Variants in TRAF2 observed in about 807,000 individuals in gnomAD.
TRAF2 encodes TNF receptor associated factor 2.
TRAF2 carries 6 observed loss-of-function variants against 55.6 expected under a neutral mutation model. The ratio of observed to expected loss-of-function variants is 0.11; its 90% confidence interval spans 0.06 to 0.21. TRAF2 has a LOEUF of 0.21. Among genes scored for constraint, TRAF2 ranks in the 10% least tolerant of loss-of-function variants. TRAF2 has a pLI of 1.00. For missense variants in TRAF2, 561 were observed against 684.5 expected (o/e 0.82, Z 2.01); for synonymous variants, 329 against 276.3 (o/e 1.19, Z -1.89).
At chr9:136,922,714 C>T (rs1486260157) in intron 9 of TRAF2, among the ~76,000 whole-genome samples, 1 of 97,368 alleles carries the variant, frequency 1.0e-5, no homozygotes, top group Non-Finnish European at 2.0e-5. Context: ...TGGGCCTGGG[C>T]ACGTGGTGGA....
chr9:136,883,061 G>T (rs780417123), upstream of TRAF2, among the ~76,000 whole-genome samples: 1 of 152,122 alleles, frequency 6.6e-6, no homozygotes, highest in Non-Finnish European at 1.5e-5. Context: ...GTAGAGACGG[G>T]GTTTCACCAC....
At chr9:136,903,903 C>T (rs866822664) in intron 4 of TRAF2, among the ~76,000 whole-genome samples, 54 of 152,268 alleles carry the variant, frequency 3.5e-4, no homozygotes, top group African/African-American at 1.1e-3. Flanking sequence ...AGGATGGTCT[C>T]GATCTCCTGA....
intron 1 of TRAF2, among the ~76,000 whole-genome samples, chr9:136,897,762 C>G (rs574460627): frequency 6.3e-5 from 9 of 142,776 alleles, no homozygotes; most frequent in Non-Finnish European, 1.1e-4. Flanking sequence ...CCCGTGGTAG[C>G]TAAAGGGAGT....
chr9:136,924,068 T>C, intron 10 of TRAF2, 68 bp downstream of exon 10: 1 of 1,574,330 alleles, frequency 6.4e-7, no homozygotes, highest in Non-Finnish European at 8.6e-7. Flanking sequence ...GCAGCTTCTG[T>C]GGTGCAGGGT....
intron 4 of TRAF2, 104 bp from the exon 5 acceptor site, chr9:136,907,966 C>T (rs953227806): frequency 3.5e-5 from 50 of 1,439,672 alleles, no homozygotes; most frequent in African/African-American, 4.2e-5. Flanking sequence ...GACCAGCATG[C>T]GGACACCAAG....
intron 9 of TRAF2, among the ~76,000 whole-genome samples, chr9:136,922,901 G>A (rs4880073): frequency 0.44 from 55,921 of 126,138 alleles, 14,790 homozygotes; most frequent in African/African-American, 0.62. Flanking sequence ...CTAGGACAGG[G>A]AGGATGGGCT....
chr9:136,898,099 C>T (rs570323297), intron 1 of TRAF2, among the ~76,000 whole-genome samples: 17 of 151,740 alleles, frequency 1.1e-4, no homozygotes, highest in Admixed American at 7.2e-4. Flanking sequence ...GCTACATTCC[C>T]GCTCTCGGGG....
chr9:136,886,211 A>G (rs1215248091), upstream of TRAF2: 6 of 171,128 alleles, frequency 3.5e-5, no homozygotes, highest in Non-Finnish European at 7.0e-5. Flanking sequence ...CCCACAGCGC[A>G]GCACCTCACC....
At chr9:136,889,220 T>G (rs955604069) in intron 1 of TRAF2, among the ~76,000 whole-genome samples, 9 of 120,636 alleles carry the variant, frequency 7.5e-5, no homozygotes, top group Non-Finnish European at 1.1e-4. Context: ...GTTTTTTCTG[T>G]TTTTTTTTTT....
chr9:136,889,275 C>T (rs1436043461), intron 1 of TRAF2, among the ~76,000 whole-genome samples: 2 of 149,592 alleles, frequency 1.3e-5, no homozygotes, highest in African/African-American at 4.9e-5. Flanking sequence ...TGAGCCACCA[C>T]GCCTGGCCTT....
intron 1 of TRAF2, among the ~76,000 whole-genome samples, chr9:136,898,050 G>A (rs1412543136): frequency 6.8e-6 from 1 of 146,788 alleles, no homozygotes; most frequent in South Asian, 2.2e-4. Flanking sequence ...AGGGGAACCC[G>A]TGGTAGCTAA....
rs755840215 is a variant in TRAF2, at chr9:136,899,672, G to A, written c.267G>A (p.Ser89=). 14 of 1,611,298 alleles carry A rather than the reference G, an allele frequency of 8.7e-6. No homozygotes were observed. The highest frequency in any genetic ancestry group is 6.7e-5 in the East Asian group (3 of 44,802). Residue 89 remains serine, a splice_region_variant and synonymous_variant, in exon 3 of 11, where the codon TCG becomes TCA. Transcript: ENST00000247668. ...EEGISILESS[S]AFPDNAARRE... is the part of the protein sequence containing the mutation. ...GCATTTCTATTTTAGAAAGCAGTTC[G>A]GTAAGTAAAATGTCTTGAAGCTAAA...
chr9:136,902,639 G>A (rs1473390069), intron 4 of TRAF2, among the ~76,000 whole-genome samples: 1 of 152,202 alleles, frequency 6.6e-6, no homozygotes, highest in Non-Finnish European at 1.5e-5. Context: ...TCATGTGGGA[G>A]GGGCGGGCAC....
intron 7 of TRAF2, among the ~76,000 whole-genome samples, chr9:136,917,087 T>G (rs905563325): frequency 1.3e-5 from 2 of 152,168 alleles, no homozygotes; most frequent in Non-Finnish European, 2.9e-5. Context: ...GACAGAGGTC[T>G]CGTCTACCCT....
upstream of TRAF2, chr9:136,882,717 C>G (rs1849388805): frequency 1.0e-6 from 1 of 985,398 alleles, no homozygotes; most frequent in South Asian, 4.7e-5. Context: ...CAGAGTGAGT[C>G]ACCCCTTTCC....
At chr9:136,886,463 G>C (rs374774085), upstream of TRAF2, 2 of 1,006,232 alleles carry the variant, frequency 2.0e-6, no homozygotes, top group East Asian at 1.1e-4. Flanking sequence ...GGCGCACGCG[G>C]CGGAGCGGCG....
Position 136,900,565 on chromosome 9 carries a change from C to T in TRAF2, c.366+45C>T, listed in dbSNP as rs114855783. Reference sequence around the variant, plus strand: ...GCATGGTGACAGAAGCTCCAGCAGTCGGGAGTCGTCCACGCTCCCCAAGCA... The same window carrying T: ...GCATGGTGACAGAAGCTCCAGCAGTTGGGAGTCGTCCACGCTCCCCAAGCA... On this transcript the variant is annotated intron_variant, in intron 4 of 10. Transcript: ENST00000247668. The T allele has an allele frequency of 3.5e-4, 544 of 1,536,672 alleles. 3 individuals carry two copies. The African/African-American group carries it at 6.8e-3, about 19-fold the overall frequency.
chr9:136,925,968 CG>C lies in TRAF2; in HGVS notation c.*68del, dbSNP rs754006972. The C allele has an allele frequency of 4.7e-5, 75 of 1,584,166 alleles. No homozygotes were observed. In the East Asian group the frequency reaches 1.7e-3, roughly 36 times the overall value. ...CAGCCGGCTCACGGAGGGGCCACCA[CG>C]CTGGGCCAGGGTCTCACTGTACAAG... On this transcript the variant is annotated 3_prime_UTR_variant, in exon 11 of 11. Coordinates refer to ENST00000247668, the MANE Select transcript of TRAF2 (RefSeq NM_021138.4).
At chr9:136,923,713 A>T in intron 9 of TRAF2, 139 bp from the exon 10 acceptor site, 1 of 692,134 alleles carries the variant, frequency 1.4e-6, no homozygotes, top group Non-Finnish European at 2.1e-6. Context: ...TGAGGGAAAA[A>T]AAACTTTTCT....
Sources: allele counts gnomAD v4.1 joint callset (sites outside exome capture counted in the v4.1 genomes callset), GRCh38; gene constraint gnomAD v4.1.1; transcripts MANE v1.5; gene names NCBI Gene and HGNC (gene_info 2026-07-23, HGNC 2026-07-21).